Variants in CSMD1 observed in about 807,000 individuals in gnomAD.
The protein encoded by CSMD1 is CUB and sushi domain-containing protein 1.
Under a neutral mutation model 417.5 loss-of-function variants are expected in CSMD1, and 213 were observed. The observed-to-expected ratio is 0.51, with a 90% CI of 0.46 to 0.57. The LOEUF is 0.57. Among genes scored for constraint, CSMD1 ranks in the 20% least tolerant of loss-of-function variants. The pLI is 0.00. For synonymous variants in CSMD1, 2,862 were observed against 1,736.8 expected (o/e 1.65, Z -16.11); for missense variants, 6,923 against 4,529.7 (o/e 1.53, Z -15.17).
intron 1 of CSMD1, among the ~76,000 whole-genome samples, chr8:4,933,489 G>A (rs1412284946): frequency 3.3e-5 from 5 of 152,152 alleles, no homozygotes; most frequent in Admixed American, 6.5e-5. Flanking sequence ...AGTGCAGAAG[G>A]TAAGTAAATG....
intron 1 of CSMD1, among the ~76,000 whole-genome samples, chr8:4,919,300 C>A (rs545014837): frequency 6.6e-6 from 1 of 152,250 alleles, no homozygotes; most frequent in Non-Finnish European, 1.5e-5. Context: ...ATATTTAGAA[C>A]CACGGGTTAG....
intron 3 of CSMD1, among the ~76,000 whole-genome samples, chr8:4,231,662 A>T (rs928797995): frequency 6.6e-6 from 1 of 152,212 alleles, no homozygotes; most frequent in African/African-American, 2.4e-5. Flanking sequence ...TAAGTAGGCT[A>T]TTAACTACAA....
At chr8:3,697,618 G>A (rs1392996403) in intron 7 of CSMD1, among the ~76,000 whole-genome samples, 5 of 152,052 alleles carry the variant, frequency 3.3e-5, no homozygotes, top group Non-Finnish European at 5.9e-5. Flanking sequence ...TCTGACTGCT[G>A]CTGGAATTGT....
At chr8:4,656,257 G>A (rs1461835393) in intron 1 of CSMD1, among the ~76,000 whole-genome samples, 1 of 152,030 alleles carries the variant, frequency 6.6e-6, no homozygotes, top group Non-Finnish European at 1.5e-5. Flanking sequence ...CTTTCAGGGG[G>A]CAGTAGAAGA....
intron 3 of CSMD1, among the ~76,000 whole-genome samples, chr8:4,127,120 G>A (rs1310352495): frequency 2.6e-5 from 4 of 151,998 alleles, no homozygotes; most frequent in Non-Finnish European, 5.9e-5. Context: ...TTCACCCAGA[G>A]AAATGCTTCT....
intron 7 of CSMD1, among the ~76,000 whole-genome samples, chr8:3,635,500 T>C (rs1584995850): frequency 6.7e-6 from 1 of 149,522 alleles, no homozygotes; most frequent in African/African-American, 2.4e-5. Context: ...TTTTTTTTTT[T>C]TGAGACAGAA....
intron 8 of CSMD1, among the ~76,000 whole-genome samples, chr8:3,607,582 G>C (rs906593434): frequency 1.3e-5 from 2 of 152,178 alleles, no homozygotes; most frequent in African/African-American, 2.4e-5. Context: ...AGCAGAGCTA[G>C]GAGATCACCA....
At chr8:4,464,274 C>T (rs1433832015) in intron 2 of CSMD1, among the ~76,000 whole-genome samples, 8 of 152,080 alleles carry the variant, frequency 5.3e-5, no homozygotes, top group South Asian at 4.2e-4. Flanking sequence ...GTATGAAGCA[C>T]AGGGCATTAT....
chr8:4,094,582 G>C (rs1450238340), intron 3 of CSMD1, among the ~76,000 whole-genome samples: 5 of 152,142 alleles, frequency 3.3e-5, no homozygotes, highest in Non-Finnish European at 7.3e-5. Flanking sequence ...TAGTAATGGA[G>C]CACCGTGCTG....
intron 7 of CSMD1, among the ~76,000 whole-genome samples, chr8:3,639,971 G>A (rs1456371893): frequency 6.6e-6 from 1 of 152,158 alleles, no homozygotes; most frequent in African/African-American, 2.4e-5. Flanking sequence ...CTATTTTATG[G>A]CTAGCATCTA....
intron 5 of CSMD1, among the ~76,000 whole-genome samples, chr8:3,897,653 A>G (rs929818867): frequency 2.0e-5 from 3 of 152,136 alleles, no homozygotes; most frequent in African/African-American, 7.2e-5. Context: ...TTATCACCAT[A>G]ATCGTTAATA....
Position 3,348,207 on chromosome 8 carries a change from T to C in CSMD1, c.3305-46A>G, listed in dbSNP as rs537102879. 9.3e-6 allele frequency: 14 copies of C among 1,507,828 alleles called. No homozygotes were observed. The African/African-American group carries it at 1.5e-4, about 16-fold the overall frequency. 93.4% of individuals were successfully genotyped at this position (1,507,828 alleles called of 1,614,324 possible). A position where few individuals can be genotyped will look rare whatever the true frequency, so the allele number is the denominator to read the frequency against. On this transcript the variant is annotated intron_variant, in intron 21 of 69. Coordinates refer to ENST00000635120, the MANE Select transcript of CSMD1 (RefSeq NM_033225.6). Reference sequence around the variant, plus strand: ...GAGAAAGAGGATTCAAAAGTGGAATTACTGTTTTTAACAGATTAAAAACTT... The same window carrying C: ...GAGAAAGAGGATTCAAAAGTGGAATCACTGTTTTTAACAGATTAAAAACTT...
At chr8:4,143,513 G>A (rs66486110) in intron 3 of CSMD1, among the ~76,000 whole-genome samples, 45,205 of 150,470 alleles carry the variant, frequency 0.3, 8,419 homozygotes, top group Non-Finnish European at 0.39. Context: ...TAAAGAAGAA[G>A]TTGATATTAA....
intron 6 of CSMD1, among the ~76,000 whole-genome samples, chr8:3,752,587 G>C (rs1388967897): frequency 6.7e-6 from 1 of 148,292 alleles, no homozygotes; most frequent in Non-Finnish European, 1.5e-5. Context: ...CCAGGAGGTG[G>C]AGGTTGCAGT....
rs903019567 is a variant in CSMD1, at chr8:3,727,867, G to C, written c.932-19376C>G. ...AGGTGAAATATGCCTGTCACAAAAG[G>C]ACAAATACTGTATGATTTCATCGAT... On this transcript the variant is annotated intron_variant, in intron 6 of 69. Transcript: ENST00000635120. 2.6e-5 allele frequency among the ~76,000 whole-genome samples: 4 copies of C among 152,120 alleles called. No individual in the cohort carries two copies. In the South Asian group the frequency reaches 6.2e-4, roughly 24 times the overall value.
chr8:4,226,093 C>CAG (rs1801339349), intron 3 of CSMD1, among the ~76,000 whole-genome samples: 1 of 151,106 alleles, frequency 6.6e-6, no homozygotes, highest in South Asian at 2.1e-4. Flanking sequence ...CACACACACA[C>CAG]ACACACACAC....
intron 7 of CSMD1, among the ~76,000 whole-genome samples, chr8:3,682,945 G>C (rs994262123): frequency 6.6e-5 from 10 of 151,964 alleles, no homozygotes; most frequent in East Asian, 1.9e-4. Flanking sequence ...CTATCGCAAG[G>C]ACCAAAAACC....
intron 1 of CSMD1, among the ~76,000 whole-genome samples, chr8:4,802,691 G>T (rs776463899): frequency 7.9e-5 from 12 of 152,006 alleles, no homozygotes; most frequent in Non-Finnish European, 1.0e-4. Flanking sequence ...ACTGTGAAAG[G>T]CTTTGTTTTC....
At chr8:3,534,658 C>G (rs1400017108) in intron 10 of CSMD1, among the ~76,000 whole-genome samples, 2 of 152,104 alleles carry the variant, frequency 1.3e-5, no homozygotes, top group Non-Finnish European at 2.9e-5. Flanking sequence ...TTTCCATAGC[C>G]AAACAATTTT....
Sources: allele counts gnomAD v4.1 joint callset (sites outside exome capture counted in the v4.1 genomes callset), GRCh38; gene constraint gnomAD v4.1.1; transcripts MANE v1.5; gene names NCBI Gene and HGNC (gene_info 2026-07-23, HGNC 2026-07-21).